The following CR1L variants were observed in gnomAD, a reference collection of about 807,000 sequenced individuals.
CR1L encodes the protein complement C3b/C4b receptor 1 like.
In CR1L, 59 loss-of-function variants were observed where a neutral mutation model predicts 62.3. The ratio of observed to expected loss-of-function variants is 0.95; its 90% CI spans 0.77 to 1.18. The LOEUF (loss-of-function observed/expected upper bound fraction) is 1.18, where lower values mean the gene tolerates loss of function less well. CR1L is among the 50% of genes most tolerant of loss of function. The probability of loss-of-function intolerance (pLI) is 0.00; values close to 1 mark genes in which losing one functional copy is unlikely to be tolerated. For synonymous variants in CR1L, 279 were observed against 248.7 expected, an observed-to-expected ratio of 1.12 and a Z score of -1.15; for missense variants, 700 against 702.8, an observed-to-expected ratio of 1.00 and a Z score of 0.04.
At position 207,669,624 on chromosome 1, in the gene CR1L, A is replaced by G. The variant is rs1277638255; in HGVS notation, c.98-7765A>G. 6 of 1,072,466 alleles carry G rather than the reference A, an allele frequency of 5.6e-6. No individual in the cohort carries two copies. In the East Asian group the frequency reaches 1.6e-4, roughly 28 times the overall value. The allele number at this position is 1,072,466 out of a possible 1,614,324, so 66.4% of individuals were successfully genotyped here. On this transcript the variant is annotated intron_variant, in intron 1 of 11. Coordinates refer to ENST00000508064, the MANE Select transcript of CR1L (RefSeq NM_175710.2). ...GCTGACGAGGCACCCAGGGCCCCGC[A>G]GAGAACTCGCGTGCCGCGCTGGGCT...
intron 4 of CR1L, among the ~76,000 whole-genome samples, chr1:207,689,891 A>C (rs1312495150): frequency 6.6e-6 from 1 of 152,044 alleles, no homozygotes; most frequent in Non-Finnish European, 1.5e-5. Flanking sequence ...CTAGGTTATT[A>C]GCATAATGCT....
rs1429795032 is a variant in CR1L, at chr1:207,684,359, C to T, written c.463+402C>T. On this transcript the variant is annotated intron_variant, in intron 4 of 11. Transcript: ENST00000508064. ...TCATGTACCACGAGATCAACACATC[C>T]TCTTGAAAGGCCCCATGCACTATAA... is the stretch of plus-strand genomic sequence containing the variant. Among the ~76,000 whole-genome samples the T allele has an allele frequency of 2.6e-5, 4 of 152,182 alleles. No homozygotes were observed. In the East Asian group the frequency reaches 7.7e-4, roughly 29 times the overall value.
intron 1 of CR1L, among the ~76,000 whole-genome samples, chr1:207,653,683 A>G (rs1307183813): frequency 2.6e-5 from 4 of 152,202 alleles, no homozygotes; most frequent in African/African-American, 9.7e-5. Flanking sequence ...GGCACTGAGC[A>G]CTCGGTAATA....
intron 1 of CR1L, among the ~76,000 whole-genome samples, chr1:207,666,581 C>T (rs1164802637): frequency 6.6e-6 from 1 of 152,156 alleles, no homozygotes; most frequent in Non-Finnish European, 1.5e-5. Context: ...GGCCATTATC[C>T]ATTGCAAACT....
In CR1L at chr1:207,701,502, C is replaced by G; in HGVS notation, c.1229-17C>G. The G allele has an allele frequency of 6.2e-7, 1 of 1,613,378 alleles. No homozygotes were observed. The highest frequency in any genetic ancestry group is 8.5e-7 in the Non-Finnish European group (1 of 1,179,462). ...CAGATTACTCTACCTGGCTCCAAAACATTTTCTTTCCCACAGGTAAATCAT... is the reference window on the plus strand; with the variant it reads ...CAGATTACTCTACCTGGCTCCAAAAGATTTTCTTTCCCACAGGTAAATCAT... On this transcript the variant is annotated splice_polypyrimidine_tract_variant and intron_variant, in intron 8 of 11. Transcript: ENST00000508064.
chr1:207,712,593 C>T (rs531756475), intron 10 of CR1L, among the ~76,000 whole-genome samples: 7 of 152,172 alleles, frequency 4.6e-5, no homozygotes, highest in Non-Finnish European at 1.0e-4. Context: ...AACTTTTTAC[C>T]TGGGCAGGAA....
intron 1 of CR1L, among the ~76,000 whole-genome samples, chr1:207,660,860 G>C (rs1162469002): frequency 6.6e-6 from 1 of 152,126 alleles, no homozygotes; most frequent in East Asian, 1.9e-4. Context: ...GTTCTTGTTG[G>C]TTTCAAAGAA....
chr1:207,717,198 A>C (rs1254019033), intron 10 of CR1L, among the ~76,000 whole-genome samples: 3 of 152,184 alleles, frequency 2.0e-5, no homozygotes, highest in South Asian at 4.1e-4. Context: ...ATTAAAAAAA[A>C]TTACTTTCCA....
In CR1L at chr1:207,717,640, A is replaced by T; in HGVS notation, c.1591A>T (p.Asn531Tyr). Residue 531 changes from asparagine to tyrosine, a missense_variant, in exon 11 of 12, where the codon AAT becomes TAT. Physicochemically the swap from Asn to Tyr is moderately radical, Grantham distance 143 (BLOSUM62 -2). Coordinates refer to ENST00000508064, the MANE Select transcript of CR1L (RefSeq NM_175710.2). ...TIRRTSEPHG[N>Y]GVWSSPAPRC... Reference sequence around the variant, plus strand: ...CCGCCGCACAAGTGAACCTCATGGGAATGGGGTTTGGAGCAGCCCTGCCCC... The same window carrying T: ...CCGCCGCACAAGTGAACCTCATGGGTATGGGGTTTGGAGCAGCCCTGCCCC... The T allele has an allele frequency of 6.2e-7, 1 of 1,613,914 alleles. No homozygotes were observed. The highest frequency in any genetic ancestry group is 8.5e-7 in the Non-Finnish European group (1 of 1,179,872).
rs375071886 is a variant in CR1L at position 207,701,413 on chromosome 1, C to T, written c.1229-106C>T. 79 of 1,420,122 alleles carry T rather than the reference C, an allele frequency of 5.6e-5. No homozygotes were observed. The East Asian group carries it at 1.1e-3, about 21-fold the overall frequency. The allele number at this position is 1,420,122 out of a possible 1,614,324, so 88.0% of individuals were successfully genotyped here. A position where few individuals can be genotyped will look rare whatever the true frequency, so the allele number is the denominator to read the frequency against. The stretch of plus-strand genomic sequence containing the variant: ...AAGGTGCCAAAATCTGTGGAACTAT[C>T]AGAACTGCGTGTTTTCTTCAGGAAG... On this transcript the variant is annotated intron_variant, in intron 8 of 11. Transcript: ENST00000508064.
intron 9 of CR1L, 73 bp from the exon 10 acceptor site, chr1:207,708,105 T>G: frequency 6.5e-7 from 1 of 1,540,624 alleles, no homozygotes; most frequent in Non-Finnish European, 9.0e-7. Flanking sequence ...CCCTCTGGTT[T>G]GCCACATATG....
rs760461840 is a variant in CR1L, at chr1:207,697,693, T to C, written c.1039+14T>C. ...CCAGATGTGAAGGTGACTAGACTCT[T>C]ATCTGGCTTGGTATTTTTAGCTTGC... On this transcript the variant is annotated intron_variant, in intron 6 of 11. Coordinates refer to ENST00000508064, the MANE Select transcript of CR1L (RefSeq NM_175710.2). The C allele has an allele frequency of 3.1e-6, 5 of 1,614,050 alleles. No homozygotes were observed. In the South Asian group the frequency reaches 5.5e-5, roughly 18 times the overall value.
At chr1:207,717,167 C>A (rs1392139174) in intron 10 of CR1L, among the ~76,000 whole-genome samples, 1 of 152,086 alleles carries the variant, frequency 6.6e-6, no homozygotes, top group African/African-American at 2.4e-5. Context: ...AGTAGACAAC[C>A]AAATGGGTGT....
intron 1 of CR1L, among the ~76,000 whole-genome samples, chr1:207,675,222 C>T (rs1242094539): frequency 6.6e-6 from 1 of 151,832 alleles, no homozygotes; most frequent in African/African-American, 2.4e-5. Flanking sequence ...CAAATTGCAA[C>T]CACAAACAAT....
chr1:207,653,772 A>G (rs1273658970), intron 1 of CR1L, among the ~76,000 whole-genome samples: 1 of 152,238 alleles, frequency 6.6e-6, no homozygotes, highest in Non-Finnish European at 1.5e-5. Context: ...TTTAGAGAGT[A>G]AATGTAATTT....
intron 1 of CR1L, among the ~76,000 whole-genome samples, chr1:207,652,314 T>C (rs187344375): frequency 3.3e-5 from 5 of 152,380 alleles, no homozygotes; most frequent in Admixed American, 1.3e-4. Flanking sequence ...TTCAGTTTAT[T>C]GTCGAATGTT....
At chr1:207,691,696 C>A (rs1195620532) in intron 4 of CR1L, among the ~76,000 whole-genome samples, 3 of 152,088 alleles carry the variant, frequency 2.0e-5, no homozygotes, top group Non-Finnish European at 4.4e-5. Context: ...AGACAGACAT[C>A]CTTGATTTAC....
intron 8 of CR1L, among the ~76,000 whole-genome samples, chr1:207,701,027 A>G (rs1443774605): frequency 1.3e-5 from 2 of 152,200 alleles, no homozygotes; most frequent in Non-Finnish European, 2.9e-5. Context: ...TGGATGTAAG[A>G]GTTTTTCTTG....
At chr1:207,655,439 G>A (rs12089170) in intron 1 of CR1L, among the ~76,000 whole-genome samples, 6,619 of 152,132 alleles carry the variant, frequency 0.044, 492 homozygotes, top group African/African-American at 0.15. Flanking sequence ...TTCAAACTGA[G>A]AGATTTTTTA....
Sources: gnomAD v4.1 joint callset for allele counts (sites outside exome capture counted in the v4.1 genomes callset) on GRCh38, gnomAD v4.1.1 for gene constraint, MANE v1.5 for transcripts, NCBI Gene and HGNC (gene_info 2026-07-23, HGNC 2026-07-21) for gene names.